Variants in HECTD3 observed in about 807,000 individuals in gnomAD.
HECTD3 encodes the protein HECT domain E3 ubiquitin protein ligase 3.
A neutral mutation model predicts 109.3 loss-of-function variants in HECTD3; 72 were observed. The observed-to-expected ratio is 0.66, with a 90% CI of 0.54 to 0.80. The LOEUF (loss-of-function observed/expected upper bound fraction) is 0.80. Ranked by LOEUF, HECTD3 falls within the 30% of genes least tolerant of loss-of-function variation. The pLI is 0.00. For missense variants in HECTD3, 1,041 were observed against 1,165.2 expected (o/e 0.89, Z 1.55); for synonymous variants, 481 against 471.8 (o/e 1.02, Z -0.25).
In HECTD3 at chr1:45,011,108, C is replaced by G. The variant is rs868525202; in HGVS notation, c.150G>C (p.Lys50Asn). The G allele has an allele frequency of 6.6e-7, 1 of 1,511,650 alleles. No individual in the cohort carries two copies. The highest frequency in any genetic ancestry group is 8.8e-7 in the Non-Finnish European group (1 of 1,137,748). 93.6% of individuals were successfully genotyped at this position (1,511,650 alleles called of 1,614,324 possible). ...ACGGTCCCGCTGGGTCCTTGTAAAG[C>G]TTGTAGAGCACCTCTCGCGGCACGA... ...LAFVPREVLYKLYKDPAGPSR... is the reference protein window; with the variant it reads ...LAFVPREVLYNLYKDPAGPSR... The change falls in exon 1 of 21, where the codon AAG becomes AAC. Residue 50 changes from lysine (K) to asparagine (N), a missense_variant. Lys to Asn is a moderately conservative substitution (Grantham distance 94, BLOSUM62 0). This residue lies in a region of HECTD3 where 472 missense variants were observed against 449.9 expected (regional missense o/e 1.05). Transcript: ENST00000372172.
chr1:45,005,366 T>G, intron 15 of HECTD3: 1 of 195,768 alleles, frequency 5.1e-6, no homozygotes, highest in African/African-American at 2.3e-5. Context: ...GAGACAGTAG[T>G]GAGACAGGAA....
chr1:45,006,913 GCA>G lies in HECTD3; in HGVS notation c.1621+36_1621+37del. ...AAGCCTCTACCACTTTGATAGGGCAGCAAGCAGGACCCTTGAGATCCTCCCTC... is the reference window on the plus strand; with the variant it reads ...AAGCCTCTACCACTTTGATAGGGCAGAGCAGGACCCTTGAGATCCTCCCTC... On this transcript the variant is annotated intron_variant, in intron 12 of 20. Transcript: ENST00000372172. This position sits in a 1 kb window ranked among gnomAD's most constrained non-coding sequence, Gnocchi z 4.7. The G allele has an allele frequency of 6.2e-7, 1 of 1,606,754 alleles. No individual in the cohort carries two copies. The highest frequency in any genetic ancestry group is 8.5e-7 in the Non-Finnish European group (1 of 1,173,324).
rs537956330 is a variant in HECTD3 at position 45,004,497 on chromosome 1, G to C, written c.2142+103C>G. ...TGGCACTGAGGAATGGTGGGGGCCAGAGTTCTTGGAGTACTGGTGGCTTAC... is the reference window on the plus strand; with the variant it reads ...TGGCACTGAGGAATGGTGGGGGCCACAGTTCTTGGAGTACTGGTGGCTTAC... On this transcript the variant is annotated intron_variant, in intron 16 of 20. Transcript: ENST00000372172. 1.2e-3 allele frequency: 1,910 copies of C among 1,588,856 alleles called. 2 individuals are homozygous for C. Among genetic ancestry groups the C allele is most frequent in the Non-Finnish European group, 1.5e-3 (1,785 of 1,159,812 alleles).
Position 45,009,360 on chromosome 1 carries a change from C to A in HECTD3, c.989+9G>T, listed in dbSNP as rs772048197. Reference sequence around the variant, plus strand: ...TGCCCTACTTCCCTCCCCAGGCCAGCGTGCTCACTCGTCAATGCTCACGTC... The same window carrying A: ...TGCCCTACTTCCCTCCCCAGGCCAGAGTGCTCACTCGTCAATGCTCACGTC... On this transcript the variant is annotated intron_variant, in intron 6 of 20. Coordinates refer to ENST00000372172, the MANE Select transcript of HECTD3 (RefSeq NM_024602.6). 7.0e-5 allele frequency: 112 copies of A among 1,599,532 alleles called. No individual in the cohort carries two copies. The highest frequency in any genetic ancestry group is 9.0e-5 in the Non-Finnish European group (105 of 1,167,174).
rs753219116 is a variant in HECTD3 at position 45,003,829 on chromosome 1, C to A, written c.2429+26G>T. On this transcript the variant is annotated intron_variant, in intron 19 of 20. Coordinates refer to ENST00000372172, the MANE Select transcript of HECTD3 (RefSeq NM_024602.6). This position sits in a 1 kb window ranked among gnomAD's most constrained non-coding sequence, Gnocchi z 4.7. ...GGGAGGACAGAAGGCGGCCATGGCA[C>A]CTTCAGGCCTCCCTCCAGCACTCAC... 1.9e-6 allele frequency: 3 copies of A among 1,612,582 alleles called. No individual in the cohort carries two copies. Among genetic ancestry groups the A allele is most frequent in the Non-Finnish European group, 2.5e-6 (3 of 1,178,902 alleles).
chr1:45,005,980 T>G lies in HECTD3; in HGVS notation c.1845+17A>C, dbSNP rs1644731682. On this transcript the variant is annotated intron_variant, in intron 14 of 20. Transcript: ENST00000372172. ...GGCCAGGGCTGATCGGACGGGGGTG[T>G]GGATAAGGCTACTCACCAGGAACTC... The G allele has an allele frequency of 6.2e-7, 1 of 1,612,128 alleles. No individual in the cohort carries two copies. Among genetic ancestry groups the G allele is most frequent in the Non-Finnish European group, 8.5e-7 (1 of 1,178,694 alleles).
Position 45,009,387 on chromosome 1 carries a change from C to G in HECTD3, c.971G>C (p.Ser324Thr), listed in dbSNP as rs1569945399. Residue 324 changes from serine (S) to threonine (T), a missense_variant, in exon 6 of 21, where the codon AGT becomes ACT. By Grantham distance (58) the Ser-to-Thr change is moderately conservative. Transcript: ENST00000372172. ...GGEGDNLKKL[S>T]DVSIDETLIG... is the part of the protein sequence containing the mutation. ...TGCTCACTCGTCAATGCTCACGTCA[C>G]TCAGCTTCTTCAGGTTGTCCCCTTC... 2 of 1,613,632 alleles carry G rather than the reference C, an allele frequency of 1.2e-6. No individual in the cohort carries two copies. The highest frequency in any genetic ancestry group is 1.7e-6 in the Non-Finnish European group (2 of 1,179,578).
intron 4 of HECTD3, 111 bp from the exon 5 acceptor site, chr1:45,009,794 G>A: frequency 9.2e-7 from 1 of 1,085,954 alleles, no homozygotes; most frequent in Non-Finnish European, 1.4e-6. Flanking sequence ...GGGCTAACAG[G>A]CAACTGGTAT....
Position 45,004,441 on chromosome 1 carries a change from G to T in HECTD3, c.2143-64C>A, listed in dbSNP as rs1302752425. The T allele has an allele frequency of 8.1e-6, 13 of 1,610,842 alleles. No individual in the cohort carries two copies. In the African/African-American group the frequency reaches 1.7e-4, roughly 22 times the overall value. On this transcript the variant is annotated intron_variant, in intron 16 of 20. Coordinates refer to ENST00000372172, the MANE Select transcript of HECTD3 (RefSeq NM_024602.6). ...CACACCTCCCGCCTCACACTGGGGG[G>T]CATCACTGTGGCCTTTTAGCAGCAG...
chr1:45,010,389 C>T lies in HECTD3; in HGVS notation c.531-96G>A, dbSNP rs564560320. On this transcript the variant is annotated intron_variant, in intron 2 of 20. Transcript: ENST00000372172. The stretch of plus-strand genomic sequence containing the variant: ...TAGCCTTCTTCAGGGCTCTATCTCC[C>T]AGTCTCCCTCCGAGCCCCCTTCACG... The T allele has an allele frequency of 3.0e-5, 44 of 1,461,526 alleles. No homozygotes were observed. In the East Asian group the frequency reaches 6.2e-4, roughly 21 times the overall value. 90.5% of individuals were successfully genotyped at this position (1,461,526 alleles called of 1,614,324 possible). A position where few individuals can be genotyped will look rare whatever the true frequency, so the allele number is the denominator to read the frequency against.
At position 45,008,414 on chromosome 1, in the gene HECTD3, TG is replaced by T. The variant is rs1191413306; in HGVS notation, c.1239-94del. 9 of 1,485,654 alleles carry T rather than the reference TG, an allele frequency of 6.1e-6. No homozygotes were observed. In the African/African-American group the frequency reaches 1.1e-4, roughly 18 times the overall value. The allele number at this position is 1,485,654 out of a possible 1,614,324, so 92.0% of individuals were successfully genotyped here. On this transcript the variant is annotated intron_variant, in intron 8 of 20. Coordinates refer to ENST00000372172, the MANE Select transcript of HECTD3 (RefSeq NM_024602.6). Reference sequence around the variant, plus strand: ...TAAAGGGACAGGAAAAGGCAGGACCTGGGGGCTTCTCTGACCCTTGAACAGC... The same window carrying T: ...TAAAGGGACAGGAAAAGGCAGGACCTGGGGCTTCTCTGACCCTTGAACAGC...
rs373511336 is a variant in HECTD3, at chr1:45,009,128, T to C, written c.1072+16A>G. 150 of 1,606,788 alleles carry C rather than the reference T, an allele frequency of 9.3e-5. 1 individual carries two copies. The highest frequency in any genetic ancestry group is 5.3e-4 in the African/African-American group (40 of 74,876). ...ACGCCGGGCTCTCTTTCCCTCCTTA[T>C]AGCCTTAAACCTCACCTCGGCACTC... On this transcript the variant is annotated intron_variant, in intron 7 of 20. Transcript: ENST00000372172.
Position 45,010,577 on chromosome 1 carries a change from G to A in HECTD3, c.499C>T (p.Leu167Phe). 1 of 1,613,582 alleles carries A rather than the reference G, an allele frequency of 6.2e-7. No individual in the cohort carries two copies. Among genetic ancestry groups the A allele is most frequent in the Non-Finnish European group, 8.5e-7 (1 of 1,179,990 alleles). The change falls in exon 2 of 21, where the codon CTC (leucine) becomes TTC (phenylalanine). Residue 167 changes from leucine to phenylalanine, a missense_variant. Transcript: ENST00000372172. ...TPNHLQRQQQLFGVDYRPVLR... is the reference protein window; with the variant it reads ...TPNHLQRQQQFFGVDYRPVLR... ...ACCGGCCGATAATCCACGCCAAAGAGCTGCTGCTGCCGCTGGAGGTGGTTG... is the reference window on the plus strand; with the variant it reads ...ACCGGCCGATAATCCACGCCAAAGAACTGCTGCTGCCGCTGGAGGTGGTTG...
Position 45,004,718 on chromosome 1 carries a change from C to T in HECTD3, c.2024G>A (p.Ser675Asn). ...GKELTFTTVLSDQQVVELIPG... is the reference protein window; with the variant it reads ...GKELTFTTVLNDQQVVELIPG... The stretch of plus-strand genomic sequence containing the variant: ...GATCAGCTCCACCACCTGTTGGTCA[C>T]TCAGTACAGTGGTGAATGTTAGTTC... The change falls in exon 16 of 21, where the codon AGT becomes AAT. Residue 675 changes from serine to asparagine, a missense_variant. Physicochemically the swap from Ser to Asn is conservative, Grantham distance 46. Transcript: ENST00000372172. 4 of 1,614,224 alleles carry T rather than the reference C, an allele frequency of 2.5e-6. No homozygotes were observed. Among genetic ancestry groups the T allele is most frequent in the Non-Finnish European group, 2.5e-6 (3 of 1,180,018 alleles).
rs1313017404 is a variant in HECTD3, at chr1:45,006,146, C to G, written c.1726-30G>C. On this transcript the variant is annotated intron_variant, in intron 13 of 20. Transcript: ENST00000372172. This position sits in a 1 kb window ranked among gnomAD's most constrained non-coding sequence, Gnocchi z 4.7. ...CCCAGAGACAGAGCTGTGAGTGTGGCATGAGATACACCCTATTTTCCTGGC... is the reference window on the plus strand; with the variant it reads ...CCCAGAGACAGAGCTGTGAGTGTGGGATGAGATACACCCTATTTTCCTGGC... 8 of 1,606,580 alleles carry G rather than the reference C, an allele frequency of 5.0e-6. No homozygotes were observed. The highest frequency in any genetic ancestry group is 6.8e-6 in the Non-Finnish European group (8 of 1,174,256).
chr1:45,004,266 C>T lies in HECTD3; in HGVS notation c.2254G>A (p.Asp752Asn). The T allele has an allele frequency of 8.7e-6, 14 of 1,614,070 alleles. No individual in the cohort carries two copies. The highest frequency in any genetic ancestry group is 1.2e-5 in the Non-Finnish European group (14 of 1,179,906). Reference protein sequence around the residue: ...KVCGDPEVTVDALRKLTRFED... With the variant: ...KVCGDPEVTVNALRKLTRFED... ...AACTCACTGAGCTTGCGCAGAGCAT[C>T]CACAGTGACCTCTGGATCCCCACAC... Residue 752 changes from aspartate (D) to asparagine (N), a missense_variant, in exon 17 of 21, where the codon GAT becomes AAT. Asp to Asn is a conservative substitution (Grantham distance 23, BLOSUM62 1). Coordinates refer to ENST00000372172, the MANE Select transcript of HECTD3 (RefSeq NM_024602.6).
chr1:45,011,066 C>A lies in HECTD3; in HGVS notation c.192G>T (p.Pro64=), dbSNP rs898897294. ...DPAGPSRVLL[P]VWEAEGLGLR... ...GCCCCAGGCCCTCTGCCTCCCACAC[C>A]GGCAGAAGCACGCGCGACGGTCCCG... The change falls in exon 1 of 21, where the codon CCG becomes CCT. Residue 64 remains proline (P), a synonymous_variant. Coordinates refer to ENST00000372172, the MANE Select transcript of HECTD3 (RefSeq NM_024602.6). 1 of 1,451,532 alleles carries A rather than the reference C, an allele frequency of 6.9e-7. No homozygotes were observed. The highest frequency in any genetic ancestry group is 9.0e-7 in the Non-Finnish European group (1 of 1,105,704). 89.9% of individuals were successfully genotyped at this position (1,451,532 alleles called of 1,614,324 possible). A position where few individuals can be genotyped will look rare whatever the true frequency, so the allele number is the denominator to read the frequency against.
At position 45,008,558 on chromosome 1, in the gene HECTD3, G is replaced by A. The variant is rs756199569; in HGVS notation, c.1216C>T (p.Arg406Cys). The A allele has an allele frequency of 1.1e-5, 18 of 1,613,676 alleles. No homozygotes were observed. The highest frequency in any genetic ancestry group is 2.2e-5 in the East Asian group (1 of 44,884). ...LEGTDPEVLY[R>C]RAVLLQRFIK... The stretch of plus-strand genomic sequence containing the variant: ...CACCTCTGCAGGAGGACAGCTCTGC[G>A]GTACAGTACTTCAGGGTCGGTGCCT... Residue 406 changes from arginine (R) to cysteine (C), a missense_variant, in exon 8 of 21, where the codon CGC becomes TGC. Arg to Cys is a radical substitution (Grantham distance 180, BLOSUM62 -3). Around this residue, in one of 2 missense-constraint regions of HECTD3, gnomAD observed 569 missense variants for 715.3 expected, o/e 0.80. Coordinates refer to ENST00000372172, the MANE Select transcript of HECTD3 (RefSeq NM_024602.6).
In HECTD3 at chr1:45,006,450, C is replaced by T. The variant is rs1230262664; in HGVS notation, c.1725+242G>A. 1.3e-5 allele frequency among the ~76,000 whole-genome samples: 2 copies of T among 152,086 alleles called. No homozygotes were observed. Among genetic ancestry groups the T allele is most frequent in the Admixed American group, 6.6e-5 (1 of 15,254 alleles). On this transcript the variant is annotated intron_variant, in intron 13 of 20. Coordinates refer to ENST00000372172, the MANE Select transcript of HECTD3 (RefSeq NM_024602.6). This position sits in a 1 kb window ranked among gnomAD's most constrained non-coding sequence, Gnocchi z 4.7. ...CCTCCCATGTAGCTGGGACTACAGG[C>T]GCGTGCCACCACGCCCGGCTAATTT...
Sources: gnomAD v4.1 joint callset for allele counts (sites outside exome capture counted in the v4.1 genomes callset) on GRCh38, gnomAD v4.1.1 for gene constraint, gnomAD v4.1.1 regional missense constraint, Gnocchi (gnomAD v3.1) non-coding constraint, MANE v1.5 for transcripts, NCBI Gene and HGNC (gene_info 2026-07-23, HGNC 2026-07-21) for gene names.